The following FCGRT variants were observed in gnomAD, a reference collection of about 807,000 sequenced individuals.
FCGRT encodes Fc gamma receptor and transporter.
A neutral mutation model predicts 35.7 loss-of-function variants in FCGRT; 13 were observed. The ratio of observed to expected loss-of-function variants is 0.36; its 90% CI spans 0.24 to 0.58. The LOEUF is 0.58. FCGRT is among the 20% of genes least tolerant of loss of function. FCGRT has a pLI of 0.77. For synonymous variants in FCGRT, 233 were observed against 216.5 expected (o/e 1.08, Z -0.67); for missense variants, 455 against 474.9 (o/e 0.96, Z 0.39).
At chr19:49,514,978 T>C (rs1213292312) in intron 4 of FCGRT, among the ~76,000 whole-genome samples, 2 of 150,746 alleles carry the variant, frequency 1.3e-5, no homozygotes, top group East Asian at 2.0e-4. Flanking sequence ...AGGCATGAGC[T>C]ACTGCTCCTG....
At chr19:49,513,308 C>A (rs1045371810) in intron 1 of FCGRT, 79 bp from the exon 2 acceptor site, 3 of 642,560 alleles carry the variant, frequency 4.7e-6, no homozygotes, top group Non-Finnish European at 6.8e-6. Context: ...GCGTCCTGGT[C>A]CCGGCCGTGC....
At chr19:49,520,195 T>C (rs2080033074) in intron 4 of FCGRT, among the ~76,000 whole-genome samples, 1 of 145,458 alleles carries the variant, frequency 6.9e-6, no homozygotes. Flanking sequence ...AGTAGCACGA[T>C]CTCGGCTCAC....
At chr19:49,524,286 C>T (rs1427020906) in intron 4 of FCGRT, among the ~76,000 whole-genome samples, 2 of 152,122 alleles carry the variant, frequency 1.3e-5, no homozygotes, top group East Asian at 1.9e-4. Flanking sequence ...CGATTACAGG[C>T]GTGAGCCAAC....
intron 4 of FCGRT, 40 bp from the exon 5 acceptor site, chr19:49,524,467 T>G (rs1477110063): frequency 1.3e-6 from 2 of 1,582,338 alleles, no homozygotes; most frequent in Admixed American, 1.7e-5. Context: ...CTGGGAGTGG[T>G]GGGCTCGCGA....
chr19:49,512,945 G>T (rs1489544704), intron 1 of FCGRT, among the ~76,000 whole-genome samples, 195 bp downstream of exon 1: 1 of 142,294 alleles, frequency 7.0e-6, no homozygotes, highest in African/African-American at 2.6e-5. Flanking sequence ...GGGCCGGGGG[G>T]GCCTGGACTC....
At chr19:49,519,540 C>T (rs1320252662) in intron 4 of FCGRT, among the ~76,000 whole-genome samples, 1 of 152,018 alleles carries the variant, frequency 6.6e-6, no homozygotes, top group Non-Finnish European at 1.5e-5. Flanking sequence ...TTGAGTTTCT[C>T]CTAGACTGGA....
At position 49,523,725 on chromosome 19, in the gene FCGRT, T is replaced by C. The variant is rs904970539; in HGVS notation, c.602-782T>C. 8.3e-4 allele frequency among the ~76,000 whole-genome samples: 124 copies of C among 149,780 alleles called. 1 individual carries two copies. Among genetic ancestry groups the C allele is most frequent in the African/African-American group, 2.7e-3 (110 of 40,664 alleles). The stretch of plus-strand genomic sequence containing the variant: ...AATACAAAAAATTAGCCAAGTGTGG[T>C]GGTGGGCACCTATAGTCCCAGCTAC... On this transcript the variant is annotated intron_variant, in intron 4 of 6. Transcript: ENST00000221466.
chr19:49,521,182 A>G (rs1031548844), intron 4 of FCGRT: 3 of 152,066 alleles, frequency 2.0e-5, no homozygotes, highest in African/African-American at 7.3e-5. Flanking sequence ...CCTCAGCCTT[A>G]CAAGTAGCTG....
intron 6 of FCGRT, 41 bp downstream of exon 6, chr19:49,525,614 G>C (rs1369244646): frequency 7.3e-7 from 1 of 1,367,662 alleles, no homozygotes; most frequent in Non-Finnish European, 1.0e-6. Flanking sequence ...GAGAGGGACA[G>C]AGACCCCAAG....
intron 4 of FCGRT, among the ~76,000 whole-genome samples, chr19:49,515,820 T>C (rs2080004181): frequency 6.6e-6 from 1 of 152,024 alleles, no homozygotes; most frequent in African/African-American, 2.4e-5. Flanking sequence ...ACATAAGCAA[T>C]CTCCTCCCTC....
chr19:49,525,019 C>A, intron 5 of FCGRT: 1 of 662,912 alleles, frequency 1.5e-6, no homozygotes, highest in Non-Finnish European at 2.8e-6. Flanking sequence ...CTACCATGGC[C>A]AGTCCTCCCT....
Position 49,524,559 on chromosome 19 carries a change from GC to G in FCGRT, c.655del (p.Thr220ProfsTer44). ...GACCCAGCAGCCCTGGCTTTTCCGT[GC>G]TTACCTGCAGCGCCTTCTCCTTCTA... ...ARPSSPGFSV[L>X]TCSAFSFYPP... On this transcript the variant is annotated frameshift_variant, in exon 5 of 7. Transcript: ENST00000221466. LOFTEE classifies it high-confidence loss of function. 1 of 1,613,078 alleles carries G rather than the reference GC, an allele frequency of 6.2e-7. No homozygotes were observed. Among genetic ancestry groups the G allele is most frequent in the Non-Finnish European group, 8.5e-7 (1 of 1,179,802 alleles).
intron 4 of FCGRT, chr19:49,515,330 A>G (rs1293511114): frequency 6.6e-6 from 1 of 151,618 alleles, no homozygotes; most frequent in African/African-American, 2.4e-5. Flanking sequence ...TGCCCAGGCT[A>G]GTGTGAAGCA....
Position 49,524,654 on chromosome 19 carries a change from G to T in FCGRT, c.749G>T (p.Gly250Val). Reference sequence around the variant, plus strand: ...GCTGGCACCGGCCAGGGTGACTTCGGCCCCAACAGTGACGGATCCTTCCAC... The same window carrying T: ...GCTGGCACCGGCCAGGGTGACTTCGTCCCCAACAGTGACGGATCCTTCCAC... ...LAAGTGQGDF[G>V]PNSDGSFHAS... Residue 250 changes from glycine to valine, a missense_variant, in exon 5 of 7, where the codon GGC becomes GTC. Transcript: ENST00000221466. 6.2e-7 allele frequency: 1 copy of T among 1,607,120 alleles called. No individual in the cohort carries two copies.
At chr19:49,525,732 G>GGGGGACGGAGACAGAGACCC (rs1289166025) in intron 6 of FCGRT, among the ~76,000 whole-genome samples, 159 bp downstream of exon 6, 4 of 151,774 alleles carry the variant, frequency 2.6e-5, no homozygotes, top group African/African-American at 9.7e-5. Context: ...TGCAGAGAGA[G>GGGGGACGGAGACAGAGACCC]GGGGACGGAG....
chr19:49,519,893 C>G lies in FCGRT; in HGVS notation c.602-4614C>G, dbSNP rs536028916. On this transcript the variant is annotated intron_variant, in intron 4 of 6. Transcript: ENST00000221466. ...TCGCCCAGGCTGGAGTGCAGTGTTG[C>G]GATCTTGGCTCACTGCAACCTCCGC... is the stretch of plus-strand genomic sequence containing the variant. 3.6e-5 allele frequency among the ~76,000 whole-genome samples: 5 copies of G among 137,338 alleles called. No individual in the cohort carries two copies. In the South Asian group the frequency reaches 1.1e-3, roughly 31 times the overall value. 90.1% of individuals were successfully genotyped at this position (137,338 alleles called of 152,430 possible). A position where few individuals can be genotyped will look rare whatever the true frequency, so the allele number is the denominator to read the frequency against.
intron 4 of FCGRT, chr19:49,520,643 A>T (rs1372487152): frequency 6.6e-6 from 1 of 152,110 alleles, no homozygotes; most frequent in African/African-American, 2.4e-5. Context: ...ACCATGCCTG[A>T]CCTGGTTTGG....
chr19:49,513,749 C>G (rs1601186242), intron 2 of FCGRT, 133 bp from the exon 3 acceptor site: 1 of 208,952 alleles, frequency 4.8e-6, no homozygotes, highest in Non-Finnish European at 8.5e-6. Context: ...CCCCCCCCCC[C>G]GGGTTTCTGT....
chr19:49,522,420 T>A (rs2080046372), intron 4 of FCGRT, among the ~76,000 whole-genome samples: 1 of 151,558 alleles, frequency 6.6e-6, no homozygotes, highest in Non-Finnish European at 1.5e-5. Context: ...TTTTTTTAAA[T>A]TTTTTAAAAT....
Sources: allele counts gnomAD v4.1 joint callset (sites outside exome capture counted in the v4.1 genomes callset), GRCh38; gene constraint gnomAD v4.1.1; transcripts MANE v1.5; gene names NCBI Gene and HGNC (gene_info 2026-07-23, HGNC 2026-07-21).